Variants in RAB7A observed in about 807,000 individuals in gnomAD.
The protein encoded by RAB7A is RAB7A, member RAS oncogene family.
A neutral mutation model predicts 24.5 loss-of-function variants in RAB7A; 2 were observed. The ratio of observed to expected loss-of-function variants is 0.08; its 90% CI spans 0.03 to 0.26. RAB7A has a LOEUF of 0.26. Ranked by LOEUF, RAB7A falls within the 10% of genes least tolerant of loss-of-function variation. RAB7A has a pLI of 1.00. For missense variants in RAB7A, 118 were observed against 255.7 expected, an observed-to-expected ratio of 0.46 and a Z score of 3.67; for synonymous variants, 100 against 95.9, an observed-to-expected ratio of 1.04 and a Z score of -0.25.
intron 3 of RAB7A, among the ~76,000 whole-genome samples, chr3:128,799,572 TCAG>T (rs1933654401): frequency 6.6e-6 from 1 of 152,204 alleles, no homozygotes; most frequent in African/African-American, 2.4e-5. Context: ...TCCTAGAGGA[TCAG>T]GACTCTTAAT....
chr3:128,753,166 G>T (rs113230734), intron 1 of RAB7A, among the ~76,000 whole-genome samples: 87 of 152,278 alleles, frequency 5.7e-4, no homozygotes, highest in African/African-American at 2.0e-3. Flanking sequence ...AAAACTGTCA[G>T]TTATGAATTC....
At chr3:128,806,703 C>T in intron 4 of RAB7A, 113 bp downstream of exon 4, 1 of 1,094,970 alleles carries the variant, frequency 9.1e-7, no homozygotes, top group Non-Finnish European at 1.4e-6. Context: ...TGGTGGGAGT[C>T]TTCATTACCA....
intron 1 of RAB7A, among the ~76,000 whole-genome samples, chr3:128,737,102 A>G (rs7613517): frequency 0.17 from 24,621 of 148,060 alleles, 2,438 homozygotes; most frequent in South Asian, 0.3. Context: ...CAGTGGCGCG[A>G]TCTTGGCTCA....
Position 128,764,355 on chromosome 3 carries a change from G to A in RAB7A, c.-8-31005G>A, listed in dbSNP as rs947020271. ...GAATGGTACAAATCGAAGAACTTAA[G>A]TGGATGTTTTGGCACAACTTATAGA... On this transcript the variant is annotated intron_variant, in intron 1 of 5. Transcript: ENST00000265062. The A allele has an allele frequency of 6.4e-6, 4 of 621,742 alleles. No individual in the cohort carries two copies. In the East Asian group the frequency reaches 8.2e-5, roughly 13 times the overall value. 38.5% of individuals were successfully genotyped at this position (621,742 alleles called of 1,614,324 possible).
At chr3:128,741,355 A>C (rs1367079299) in intron 1 of RAB7A, among the ~76,000 whole-genome samples, 1 of 151,942 alleles carries the variant, frequency 6.6e-6, no homozygotes, top group Non-Finnish European at 1.5e-5. Flanking sequence ...GGCCTTTCCC[A>C]CCCCCAGGAC....
intron 1 of RAB7A, among the ~76,000 whole-genome samples, chr3:128,736,909 G>A (rs144740555): frequency 0.018 from 2,771 of 152,208 alleles, 40 homozygotes; most frequent in Middle Eastern, 0.088. Flanking sequence ...GCTATTGGGG[G>A]AAATAGCTCT....
chr3:128,811,412 A>G (rs1933926214), intron 5 of RAB7A, among the ~76,000 whole-genome samples: 1 of 152,270 alleles, frequency 6.6e-6, no homozygotes, highest in African/African-American at 2.4e-5. Context: ...TCAACTGGTA[A>G]GTGAATAAAC....
At chr3:128,732,702 C>G (rs1464147022) in intron 1 of RAB7A, among the ~76,000 whole-genome samples, 1 of 152,100 alleles carries the variant, frequency 6.6e-6, no homozygotes. Context: ...TGGTGGTACA[C>G]TTGTGGTTCC....
chr3:128,796,694 C>T (rs1054649305), intron 2 of RAB7A, among the ~76,000 whole-genome samples: 3 of 152,132 alleles, frequency 2.0e-5, no homozygotes, highest in Non-Finnish European at 4.4e-5. Context: ...GACAGGGTCT[C>T]GCTCTGTTGC....
intron 1 of RAB7A, among the ~76,000 whole-genome samples, chr3:128,778,977 A>G (rs1933154080): frequency 6.6e-6 from 1 of 152,260 alleles, no homozygotes. Context: ...ATGATTTTGC[A>G]GCTAGAATAG....
At chr3:128,797,010 T>C (rs1933590932) in intron 2 of RAB7A, among the ~76,000 whole-genome samples, 1 of 152,128 alleles carries the variant, frequency 6.6e-6, no homozygotes, top group Non-Finnish European at 1.5e-5. Context: ...CCCAGACCAG[T>C]GGGCTAGGGC....
At chr3:128,810,944 C>T (rs972591259) in intron 5 of RAB7A, among the ~76,000 whole-genome samples, 5 of 152,036 alleles carry the variant, frequency 3.3e-5, no homozygotes, top group African/African-American at 1.2e-4. Context: ...ATCCCAGCTA[C>T]TTAGGATGCT....
At chr3:128,757,056 G>A (rs1366967382) in intron 1 of RAB7A, among the ~76,000 whole-genome samples, 3 of 152,100 alleles carry the variant, frequency 2.0e-5, no homozygotes, top group Admixed American at 6.5e-5. Flanking sequence ...TATTGCCCAG[G>A]CTGGGCTTGA....
At chr3:128,795,234 G>T (rs1250195465) in intron 1 of RAB7A, 126 bp from the exon 2 acceptor site, 7 of 808,680 alleles carry the variant, frequency 8.7e-6, no homozygotes, top group Admixed American at 1.9e-5. Flanking sequence ...CTGGTGGAAG[G>T]AAGATACCTA....
chr3:128,735,327 A>T (rs1382936430), intron 1 of RAB7A, among the ~76,000 whole-genome samples: 1 of 151,350 alleles, frequency 6.6e-6, no homozygotes, highest in Non-Finnish European at 1.5e-5. Context: ...TTTGGGAATG[A>T]CTGTATGTAT....
In RAB7A at chr3:128,800,069, T is replaced by G. The variant is rs549857283; in HGVS notation, c.180+2000T>G. The stretch of plus-strand genomic sequence containing the variant: ...TATTGAAATAAGCTAAAGGAACAGT[T>G]AAACTGTAGATTAAATGGAGCTGAA... On this transcript the variant is annotated intron_variant, in intron 3 of 5. Transcript: ENST00000265062. 2.6e-5 allele frequency among the ~76,000 whole-genome samples: 4 copies of G among 152,296 alleles called. No homozygotes were observed. The East Asian group carries it at 5.8e-4, about 22-fold the overall frequency.
intron 1 of RAB7A, among the ~76,000 whole-genome samples, chr3:128,769,999 T>C (rs974248398): frequency 1.3e-5 from 2 of 151,026 alleles, no homozygotes; most frequent in African/African-American, 4.8e-5. Context: ...TCTTTTTTCC[T>C]TTTTTCTTTT....
At chr3:128,759,941 C>T (rs191209825) in intron 1 of RAB7A, among the ~76,000 whole-genome samples, 13 of 152,250 alleles carry the variant, frequency 8.5e-5, no homozygotes, top group Non-Finnish European at 1.2e-4. Flanking sequence ...AACTCCCGAC[C>T]TCAGGTGATC....
intron 1 of RAB7A, among the ~76,000 whole-genome samples, chr3:128,736,961 A>G (rs1167904692): frequency 6.6e-6 from 1 of 152,226 alleles, no homozygotes; most frequent in Non-Finnish European, 1.5e-5. Flanking sequence ...GGTAATTTAA[A>G]TGCTAAAAAG....
Sources: gnomAD v4.1 joint callset for allele counts (sites outside exome capture counted in the v4.1 genomes callset) on GRCh38, gnomAD v4.1.1 for gene constraint, MANE v1.5 for transcripts, NCBI Gene and HGNC (gene_info 2026-07-23, HGNC 2026-07-21) for gene names.